The following ENPP2 variants were observed in gnomAD, a reference collection of about 807,000 sequenced individuals.
ENPP2 encodes the protein ectonucleotide pyrophosphatase/phosphodiesterase 2.
A neutral mutation model predicts 120.2 loss-of-function variants in ENPP2; 51 were observed. That is an observed-to-expected ratio of 0.42 (90% confidence interval 0.34 to 0.54). The LOEUF (loss-of-function observed/expected upper bound fraction) is 0.54, where lower values mean the gene tolerates loss of function less well. ENPP2 is among the 20% of genes least tolerant of loss of function. ENPP2 has a pLI of 0.04. For missense variants in ENPP2, 920 were observed against 1,066.5 expected (o/e 0.86, Z 1.91); for synonymous variants, 365 against 366.4 (o/e 1.00, Z 0.04).
chr8:119,626,647 T>C lies in ENPP2; in HGVS notation c.210A>G (p.Gly70=). ...AGTTGTCACAGCGACAATCAGGAGG[T>C]CCAGCCTCTTGAAGTTCAAAGCACC... ...KGRCFELQEA[G]PPDCRCDNLC... is the part of the protein sequence containing the mutation. The change falls in exon 3 of 25, where the codon GGA becomes GGG. Residue 70 remains glycine (G), a synonymous_variant. Coordinates refer to ENST00000075322, the MANE Select transcript of ENPP2 (RefSeq NM_001040092.3). The C allele has an allele frequency of 6.2e-7, 1 of 1,613,502 alleles. No homozygotes were observed. The highest frequency in any genetic ancestry group is 8.5e-7 in the Non-Finnish European group (1 of 1,179,644).
At chr8:119,660,347 T>C (rs1264874387) in intron 1 of ENPP2, among the ~76,000 whole-genome samples, 1 of 152,248 alleles carries the variant, frequency 6.6e-6, no homozygotes, top group Non-Finnish European at 1.5e-5. Context: ...ACTATCATTA[T>C]CTGTAATTCA....
chr8:119,587,564 C>T (rs1813202514), intron 13 of ENPP2, among the ~76,000 whole-genome samples: 1 of 152,040 alleles, frequency 6.6e-6, no homozygotes, highest in African/African-American at 2.4e-5. Context: ...AGTTTGTTTC[C>T]CTATTTATAT....
rs775058725 is a variant in ENPP2, at chr8:119,626,619, A to G, written c.238T>C (p.Cys80Arg). 1 of 1,614,100 alleles carries G rather than the reference A, an allele frequency of 6.2e-7. No individual in the cohort carries two copies. Among genetic ancestry groups the G allele is most frequent in the Non-Finnish European group, 8.5e-7 (1 of 1,179,948 alleles). The change falls in exon 3 of 25, where the codon TGT becomes CGT. Residue 80 changes from cysteine (C) to arginine (R), a missense_variant. Transcript: ENST00000075322. ...GPPDCRCDNLCKSYTSCCHDF... is the reference protein window; with the variant it reads ...GPPDCRCDNLRKSYTSCCHDF... ...TGGCAGCAACTGGTATAGCTCTTAC[A>G]CAAGTTGTCACAGCGACAATCAGGA...
At chr8:119,656,394 T>C (rs900070355) in intron 1 of ENPP2, among the ~76,000 whole-genome samples, 1 of 152,118 alleles carries the variant, frequency 6.6e-6, no homozygotes, top group African/African-American at 2.4e-5. Context: ...CTGTATTCGT[T>C]CCTCTCACGG....
chr8:119,611,382 C>T (rs1047972882), intron 8 of ENPP2, among the ~76,000 whole-genome samples: 2 of 152,164 alleles, frequency 1.3e-5, no homozygotes, highest in African/African-American at 2.4e-5. Flanking sequence ...GCAGATCAAT[C>T]GCTGAGAATC....
At chr8:119,671,011 G>T (rs1818226101) in intron 1 of ENPP2, among the ~76,000 whole-genome samples, 1 of 151,912 alleles carries the variant, frequency 6.6e-6, no homozygotes, top group Admixed American at 6.6e-5. Context: ...CACAGTCTGG[G>T]CACAGTGGCT....
rs999063128 is a variant in ENPP2, at chr8:119,633,060, A to C, written c.136+5365T>G. On this transcript the variant is annotated intron_variant, in intron 2 of 24. Coordinates refer to ENST00000075322, the MANE Select transcript of ENPP2 (RefSeq NM_001040092.3). ...ACAAGAGCGAAACTCCATCTCAAAAAACAACAACAACAAAAGAATTCTAGT... is the reference window on the plus strand; with the variant it reads ...ACAAGAGCGAAACTCCATCTCAAAACACAACAACAACAAAAGAATTCTAGT... Among the ~76,000 whole-genome samples the C allele has an allele frequency of 2.0e-5, 3 of 152,192 alleles. No homozygotes were observed. In the South Asian group the frequency reaches 6.2e-4, roughly 32 times the overall value.
At chr8:119,582,822 G>T (rs1289380505) in intron 17 of ENPP2, among the ~76,000 whole-genome samples, 1 of 152,114 alleles carries the variant, frequency 6.6e-6, no homozygotes, top group Non-Finnish European at 1.5e-5. Flanking sequence ...CAAGTTCATT[G>T]CCTGACCATG....
chr8:119,673,280 G>T (rs1406388769), exon 1 of ENPP2: 2 of 1,535,332 alleles, frequency 1.3e-6, no homozygotes, highest in East Asian at 2.4e-5. Context: ...CATGCTGCGG[G>T]AGTCTCGGCG....
chr8:119,640,745 G>A (rs1817257459), upstream of ENPP2, among the ~76,000 whole-genome samples: 1 of 151,622 alleles, frequency 6.6e-6, no homozygotes, highest in Non-Finnish European at 1.5e-5. Context: ...TTTTGTTTTT[G>A]TTTGTTTATT....
At chr8:119,655,846 T>C (rs889976861) in intron 1 of ENPP2, among the ~76,000 whole-genome samples, 2 of 152,220 alleles carry the variant, frequency 1.3e-5, no homozygotes, top group Middle Eastern at 3.2e-3. Flanking sequence ...TTTCTAGGTA[T>C]TTCTTGCAAC....
chr8:119,654,380 GAGAT>G (rs1470107398), intron 1 of ENPP2, among the ~76,000 whole-genome samples: 1 of 141,710 alleles, frequency 7.1e-6, no homozygotes, highest in East Asian at 2.0e-4. Flanking sequence ...ATTATATAGA[GAGAT>G]ATATCTAGAT....
At chr8:119,595,746 T>G in intron 11 of ENPP2, 1 of 1,167,516 alleles carries the variant, frequency 8.6e-7, no homozygotes, top group Non-Finnish European at 1.2e-6. Context: ...CACCAGAGTT[T>G]TTCTAAAACT....
chr8:119,606,049 C>G (rs1217988186), intron 9 of ENPP2, among the ~76,000 whole-genome samples: 1 of 152,104 alleles, frequency 6.6e-6, no homozygotes, highest in Non-Finnish European at 1.5e-5. Context: ...AAGTCTAAGT[C>G]TATGGTTTGA....
chr8:119,584,577 A>G (rs998838698), intron 15 of ENPP2, among the ~76,000 whole-genome samples: 1 of 152,250 alleles, frequency 6.6e-6, no homozygotes, highest in African/African-American at 2.4e-5. Context: ...ATTTGCATGC[A>G]AATTTATCTA....
chr8:119,592,048 G>T (rs955697184), intron 12 of ENPP2, among the ~76,000 whole-genome samples: 3 of 152,170 alleles, frequency 2.0e-5, no homozygotes, highest in Non-Finnish European at 4.4e-5. Context: ...TTGTGGAGGG[G>T]TGTTAATGTT....
chr8:119,588,026 A>C (rs1246903948), intron 13 of ENPP2, among the ~76,000 whole-genome samples: 2 of 152,190 alleles, frequency 1.3e-5, no homozygotes, highest in Admixed American at 1.3e-4. Flanking sequence ...ATTTGTTCAT[A>C]TTTGTTAAAA....
At chr8:119,561,813 G>T (rs1813962320) in intron 24 of ENPP2, among the ~76,000 whole-genome samples, 1 of 148,686 alleles carries the variant, frequency 6.7e-6, no homozygotes, top group African/African-American at 2.6e-5. Context: ...GTGTGTGTGT[G>T]TTTGTGTGTG....
chr8:119,657,031 G>A (rs1450800737), intron 1 of ENPP2, among the ~76,000 whole-genome samples: 3 of 152,010 alleles, frequency 2.0e-5, no homozygotes, highest in Non-Finnish European at 4.4e-5. Flanking sequence ...AGTTTCAAGC[G>A]ATTCTCCTGC....
Sources: gnomAD v4.1 joint callset for allele counts (sites outside exome capture counted in the v4.1 genomes callset) on GRCh38, gnomAD v4.1.1 for gene constraint, MANE v1.5 for transcripts, NCBI Gene and HGNC (gene_info 2026-07-23, HGNC 2026-07-21) for gene names.